The following ARMC8 variants were observed in gnomAD, a reference collection of about 807,000 sequenced individuals.
The protein encoded by ARMC8 is armadillo repeat-containing protein 8.
ARMC8 carries 20 observed loss-of-function variants against 99.3 expected under a neutral mutation model. The observed-to-expected ratio is 0.20, with a 90% CI of 0.14 to 0.29. ARMC8 has a LOEUF of 0.29. Among genes scored for constraint, ARMC8 ranks in the 10% least tolerant of loss-of-function variants. ARMC8 has a pLI of 1.00. For synonymous variants in ARMC8, 263 were observed against 278.3 expected, an observed-to-expected ratio of 0.95 and a Z score of 0.55; for missense variants, 569 against 809.5, an observed-to-expected ratio of 0.70 and a Z score of 3.60.
intron 1 of ARMC8, among the ~76,000 whole-genome samples, chr3:138,192,150 T>G (rs1467324565): frequency 6.6e-6 from 1 of 152,204 alleles, no homozygotes; most frequent in Non-Finnish European, 1.5e-5. Flanking sequence ...CTCACTGCCA[T>G]TTGATACTGT....
chr3:138,264,894 AT>A (rs771921655), intron 14 of ARMC8, among the ~76,000 whole-genome samples: 5,907 of 139,806 alleles, frequency 0.042, 310 homozygotes, highest in African/African-American at 0.13. Flanking sequence ...CAATCCCTGG[AT>A]TTTTTTTTTT....
chr3:138,271,783 A>AT (rs953322477), intron 16 of ARMC8, among the ~76,000 whole-genome samples: 3 of 140,170 alleles, frequency 2.1e-5, no homozygotes, highest in South Asian at 2.2e-4. Flanking sequence ...AGTTCACAAG[A>AT]TTTTTTTTTT....
chr3:138,237,316 T>G lies in ARMC8; in HGVS notation c.617T>G (p.Met206Arg). 2 of 1,612,592 alleles carry G rather than the reference T, an allele frequency of 1.2e-6. No homozygotes were observed. The highest frequency in any genetic ancestry group is 1.7e-6 in the Non-Finnish European group (2 of 1,179,676). ...LLTSLSYKVR[M>R]QALKCFSVLA... ...GTTCATTTATTTTTACAGGTTCGAA[T>G]GCAAGCACTGAAATGTTTCTCAGTT... The change falls in exon 8 of 22, where the codon ATG (methionine) becomes AGG (arginine). Residue 206 changes from methionine (M) to arginine (R), a missense_variant. Coordinates refer to ENST00000469044, the MANE Select transcript of ARMC8 (RefSeq NM_001363941.2).
In ARMC8 at chr3:138,225,150, G is replaced by A. The variant is rs140826166; in HGVS notation, c.435+1417G>A. Among the ~76,000 whole-genome samples the A allele has an allele frequency of 6.5e-3, 789 of 122,202 alleles. 6 individuals are homozygous for A. Among genetic ancestry groups the A allele is most frequent in the African/African-American group, 0.022 (735 of 32,766 alleles). The allele number at this position is 122,202 out of a possible 152,430, so 80.2% of individuals were successfully genotyped here. On this transcript the variant is annotated intron_variant, in intron 5 of 21. Transcript: ENST00000469044. ...TTTTGGAGACGGTGTCTCTCTCACC[G>A]AGGCTGGAGTGCAGTGGAGGAATCT...
chr3:138,284,042 CAAAG>C (rs764060678), intron 18 of ARMC8, among the ~76,000 whole-genome samples: 30 of 152,118 alleles, frequency 2.0e-4, no homozygotes, highest in Non-Finnish European at 2.9e-4. Context: ...GAGCTTCCAC[CAAAG>C]AGACTACATT....
At chr3:138,235,147 T>C (rs1260417978) in intron 7 of ARMC8, 33 bp downstream of exon 7, 1 of 1,455,510 alleles carries the variant, frequency 6.9e-7, no homozygotes, top group Non-Finnish European at 9.6e-7. Flanking sequence ...CAGATTTGTA[T>C]ACCTTGTTTG....
chr3:138,287,642 C>T (rs770230940), intron 19 of ARMC8: 1 of 456,682 alleles, frequency 2.2e-6, no homozygotes, highest in South Asian at 1.5e-5. Context: ...GGAGCCCAAA[C>T]TGGACATCTC....
At chr3:138,205,060 CTT>C (rs71146118) in intron 1 of ARMC8, among the ~76,000 whole-genome samples, 3 of 93,282 alleles carry the variant, frequency 3.2e-5, no homozygotes, top group Admixed American at 2.5e-4. Context: ...CTTTTCTTTT[CTT>C]TTTTTTTTTT....
At chr3:138,217,862 T>C (rs980520821) in intron 2 of ARMC8, among the ~76,000 whole-genome samples, 1 of 152,226 alleles carries the variant, frequency 6.6e-6, no homozygotes, top group African/African-American at 2.4e-5. Flanking sequence ...TGCACCCATG[T>C]GCCCAGACAT....
chr3:138,263,618 TA>T, intron 12 of ARMC8, 120 bp from the exon 13 acceptor site: 2 of 891,938 alleles, frequency 2.2e-6, no homozygotes, highest in Non-Finnish European at 1.9e-6. Flanking sequence ...GTTTGAGAGG[TA>T]AAAACTCTTG....
intron 11 of ARMC8, among the ~76,000 whole-genome samples, 160 bp downstream of exon 11, chr3:138,242,143 G>T (rs537873155): frequency 1.3e-5 from 2 of 152,056 alleles, no homozygotes; most frequent in South Asian, 4.2e-4. Context: ...GTGAATTTTT[G>T]AATCCAAGTT....
At chr3:138,212,046 C>T (rs922737178) in intron 2 of ARMC8, among the ~76,000 whole-genome samples, 10 of 152,076 alleles carry the variant, frequency 6.6e-5, no homozygotes, top group South Asian at 2.1e-4. Flanking sequence ...TTCTAGTAAA[C>T]GTGATTGCTA....
intron 3 of ARMC8, among the ~76,000 whole-genome samples, chr3:138,222,960 T>C (rs905667659): frequency 6.6e-6 from 1 of 152,138 alleles, no homozygotes; most frequent in Non-Finnish European, 1.5e-5. Flanking sequence ...CTCTGAATAT[T>C]CCCTATAGGC....
intron 10 of ARMC8, among the ~76,000 whole-genome samples, chr3:138,240,400 A>T (rs1048489294): frequency 1.3e-5 from 2 of 152,216 alleles, no homozygotes; most frequent in Admixed American, 1.3e-4. Flanking sequence ...CTAAGTAAAC[A>T]ACTCTTCATA....
At chr3:138,268,494 A>G (rs998733174) in intron 15 of ARMC8, among the ~76,000 whole-genome samples, 2 of 152,142 alleles carry the variant, frequency 1.3e-5, no homozygotes, top group African/African-American at 4.8e-5. Flanking sequence ...TACCTTCAGG[A>G]TATTTAGGGT....
At chr3:138,279,080 T>A (rs1177687401) in intron 18 of ARMC8, among the ~76,000 whole-genome samples, 2 of 152,220 alleles carry the variant, frequency 1.3e-5, no homozygotes, top group African/African-American at 4.8e-5. Flanking sequence ...GATGAACATA[T>A]TTGTTTTGTT....
intron 21 of ARMC8, 53 bp from the exon 22 acceptor site, chr3:138,295,806 T>C: frequency 6.2e-7 from 1 of 1,600,164 alleles, no homozygotes; most frequent in Non-Finnish European, 8.6e-7. Context: ...ATAGGGTTTT[T>C]TACCCCAATT....
intron 17 of ARMC8, among the ~76,000 whole-genome samples, chr3:138,273,369 G>A (rs148833876): frequency 1.1e-3 from 165 of 152,328 alleles, no homozygotes; most frequent in African/African-American, 3.9e-3. Context: ...TGGAACAGAG[G>A]AAAACATGAC....
chr3:138,270,023 T>TC lies in ARMC8; in HGVS notation c.1387-14dup. The TC allele has an allele frequency of 2.5e-6, 4 of 1,578,886 alleles. No homozygotes were observed. Among genetic ancestry groups the TC allele is most frequent in the Non-Finnish European group, 3.5e-6 (4 of 1,149,066 alleles). ...GACTTTAAAGCTGTGATTTTTTTTT[T>TC]CCCTGTCCAATGGCAGCCAATTTTG... On this transcript the variant is annotated splice_polypyrimidine_tract_variant and intron_variant, in intron 15 of 21. Coordinates refer to ENST00000469044, the MANE Select transcript of ARMC8 (RefSeq NM_001363941.2).
Sources: allele counts gnomAD v4.1 joint callset (sites outside exome capture counted in the v4.1 genomes callset), GRCh38; gene constraint gnomAD v4.1.1; transcripts MANE v1.5; gene names NCBI Gene and HGNC (gene_info 2026-07-23, HGNC 2026-07-21).